Variants in AGAP1 observed in about 807,000 individuals in gnomAD.
AGAP1 encodes ArfGAP with GTPase domain, ankyrin repeat and PH domain 1.
A neutral mutation model predicts 105.3 loss-of-function variants in AGAP1; 29 were observed. That is an observed-to-expected ratio of 0.28 (90% CI 0.21 to 0.38). AGAP1 has a LOEUF of 0.38. Ranked by LOEUF, AGAP1 falls within the 10% of genes least tolerant of loss-of-function variation. AGAP1 has a pLI of 1.00. For missense variants in AGAP1, 998 were observed against 1,165.1 expected (o/e 0.86, Z 2.09); for synonymous variants, 509 against 485.9 (o/e 1.05, Z -0.63).
intron 10 of AGAP1, among the ~76,000 whole-genome samples, chr2:235,892,982 G>T (rs544983505): frequency 1.3e-5 from 2 of 152,220 alleles, no homozygotes; most frequent in Non-Finnish European, 2.9e-5. Flanking sequence ...CTGGCACGCT[G>T]CTGCAGAAGG....
At chr2:235,817,604 T>C (rs1262744692) in intron 9 of AGAP1, among the ~76,000 whole-genome samples, 1 of 151,992 alleles carries the variant, frequency 6.6e-6, no homozygotes, top group African/African-American at 2.4e-5. Flanking sequence ...AGTTTGTTAG[T>C]TTTAGGTTGG....
rs928149334 is a variant in AGAP1, at chr2:235,589,194, G to GTTTTTTTTTTT, written c.163+94363_163+94373dup. ...CTACCAGTTAATAGCTTATTGTTTT[G>GTTTTTTTTTTT]TTTTTTTTTTTTTTTTTTTTTTTTT... On this transcript the variant is annotated intron_variant, in intron 1 of 17. Transcript: ENST00000304032. Among the ~76,000 whole-genome samples the GTTTTTTTTTTT allele has an allele frequency of 1.7e-4, 10 of 59,610 alleles. 2 individuals are homozygous for GTTTTTTTTTTT. Among genetic ancestry groups the GTTTTTTTTTTT allele is most frequent in the African/African-American group, 3.2e-4 (4 of 12,568 alleles). The allele number at this position is 59,610 out of a possible 152,430, so 39.1% of individuals were successfully genotyped here. A position where few individuals can be genotyped will look rare whatever the true frequency, so the allele number is the denominator to read the frequency against.
In AGAP1 at chr2:235,866,813, C is replaced by T. The variant is rs1244343738; in HGVS notation, c.1051-16532C>T. On this transcript the variant is annotated intron_variant, in intron 9 of 17. Transcript: ENST00000304032. The surrounding 1 kb of genome is among the most constrained non-coding windows in gnomAD (Gnocchi z 6.1). ...CCTGTGTCTTCACGTGGTCTTTCTC[C>T]GTGAGTGTCTGTGTCCTGATCTTTT... is the stretch of plus-strand genomic sequence containing the variant. Among the ~76,000 whole-genome samples, 2 of 152,286 alleles carry T rather than the reference C, an allele frequency of 1.3e-5. No homozygotes were observed. The highest frequency in any genetic ancestry group is 6.5e-5 in the Admixed American group (1 of 15,298).
At position 236,090,431 on chromosome 2, in the gene AGAP1, G is replaced by C. The variant is rs1305057592; in HGVS notation, c.2115-29761G>C. Among the ~76,000 whole-genome samples, 1 of 152,178 alleles carries C rather than the reference G, an allele frequency of 6.6e-6. No individual in the cohort carries two copies. The highest frequency in any genetic ancestry group is 1.5e-5 in the Non-Finnish European group (1 of 68,022). ...AATATTCACATGTTTCTTCTAATTG[G>C]TAACAGATTAGAGGCATTTTATCTT... On this transcript the variant is annotated intron_variant, in intron 16 of 17. Coordinates refer to ENST00000304032, the MANE Select transcript of AGAP1 (RefSeq NM_001037131.3). The surrounding 1 kb of genome is among the most constrained non-coding windows in gnomAD (Gnocchi z 4.3).
At chr2:235,938,918 G>A (rs552848425) in intron 12 of AGAP1, among the ~76,000 whole-genome samples, 1 of 152,222 alleles carries the variant, frequency 6.6e-6, no homozygotes, top group East Asian at 1.9e-4. Context: ...TTGTTCCTGG[G>A]GCCAGCCGCT....
chr2:236,088,921 A>G (rs984241965), intron 16 of AGAP1, among the ~76,000 whole-genome samples: 1 of 152,238 alleles, frequency 6.6e-6, no homozygotes, highest in Non-Finnish European at 1.5e-5. Context: ...GCATTCGATC[A>G]TGATGGTGAT....
chr2:236,060,095 C>A (rs1029891712), intron 16 of AGAP1, among the ~76,000 whole-genome samples: 1 of 150,982 alleles, frequency 6.6e-6, no homozygotes, highest in Non-Finnish European at 1.5e-5. Flanking sequence ...CGTCTCAAAA[C>A]ACACACACAC....
At chr2:235,760,634 G>GT (rs2149780523) in intron 6 of AGAP1, among the ~76,000 whole-genome samples, 1 of 152,290 alleles carries the variant, frequency 6.6e-6, no homozygotes, top group African/African-American at 2.4e-5. Context: ...CACACAGGCT[G>GT]GAGTACAGTG....
In AGAP1 at chr2:235,875,617, G is replaced by C. The variant is rs1456263648; in HGVS notation, c.1051-7728G>C. 6.6e-6 allele frequency among the ~76,000 whole-genome samples: 1 copy of C among 152,196 alleles called. No homozygotes were observed. The highest frequency in any genetic ancestry group is 1.5e-5 in the Non-Finnish European group (1 of 68,040). ...GCCTGCAGCCCGGGCCTGTGGTGGA[G>C]TAGAGCTTCTCTCCCCAGCTTTCCC... is the stretch of plus-strand genomic sequence containing the variant. On this transcript the variant is annotated intron_variant, in intron 9 of 17. Transcript: ENST00000304032. The surrounding 1 kb of genome is among the most constrained non-coding windows in gnomAD (Gnocchi z 4.0).
intron 6 of AGAP1, among the ~76,000 whole-genome samples, chr2:235,778,001 C>T (rs535934997): frequency 3.3e-4 from 51 of 152,256 alleles, no homozygotes; most frequent in African/African-American, 1.1e-3. Flanking sequence ...CAGACCTGGG[C>T]GATCTCATAT....
chr2:235,817,257 T>C (rs1178491603), intron 9 of AGAP1, among the ~76,000 whole-genome samples: 1 of 151,998 alleles, frequency 6.6e-6, no homozygotes, highest in Admixed American at 6.5e-5. Flanking sequence ...ACTGTCGCTG[T>C]GGTTCTCCCT....
intron 16 of AGAP1, among the ~76,000 whole-genome samples, chr2:236,059,338 G>A (rs114366423): frequency 1.3e-5 from 2 of 152,092 alleles, no homozygotes; most frequent in Non-Finnish European, 2.9e-5. Context: ...GAAGACCTAA[G>A]TAAATGAAAA....
At chr2:235,643,406 G>A (rs1344764092) in intron 1 of AGAP1, among the ~76,000 whole-genome samples, 1 of 128,592 alleles carries the variant, frequency 7.8e-6, no homozygotes, top group Non-Finnish European at 1.5e-5. Flanking sequence ...ACTCCAGCCT[G>A]GGCAACAAGA....
At chr2:235,797,720 T>C (rs751319664) in intron 6 of AGAP1, 39 bp from the exon 7 acceptor site, 1 of 1,613,450 alleles carries the variant, frequency 6.2e-7, no homozygotes, top group Non-Finnish European at 8.5e-7. Flanking sequence ...ATTTGGAAAT[T>C]GATTGACATG....
At position 235,930,062 on chromosome 2, in the gene AGAP1, T is replaced by C. The variant is rs2052648195; in HGVS notation, c.1325-703T>C. Among the ~76,000 whole-genome samples, 1 of 152,242 alleles carries C rather than the reference T, an allele frequency of 6.6e-6. No homozygotes were observed. On this transcript the variant is annotated intron_variant, in intron 11 of 17. Transcript: ENST00000304032. The surrounding 1 kb of genome is among the most constrained non-coding windows in gnomAD (Gnocchi z 7.9). ...AGGCACTTAATTATGTTTTTGAGTC[T>C]AAAATTGGTATGACCAGATAATAAT... is the stretch of plus-strand genomic sequence containing the variant.
At chr2:235,782,708 A>G (rs942817234) in intron 6 of AGAP1, among the ~76,000 whole-genome samples, 2 of 152,240 alleles carry the variant, frequency 1.3e-5, no homozygotes, top group Non-Finnish European at 2.9e-5. Flanking sequence ...GCTGAAGCCC[A>G]GAAGGAAAGT....
At chr2:236,022,937 T>C (rs534218034) in intron 13 of AGAP1, among the ~76,000 whole-genome samples, 2 of 152,356 alleles carry the variant, frequency 1.3e-5, no homozygotes, top group East Asian at 3.9e-4. Flanking sequence ...GACATCTTAG[T>C]GTGTGAGCTT....
chr2:235,808,566 A>G (rs1353290357), intron 9 of AGAP1, among the ~76,000 whole-genome samples: 1 of 152,202 alleles, frequency 6.6e-6, no homozygotes, highest in African/African-American at 2.4e-5. Flanking sequence ...CAAGGAGCCC[A>G]GGAACTACTG....
Position 235,611,988 on chromosome 2 carries a change from G to C in AGAP1, c.164-97191G>C, listed in dbSNP as rs1465763225. 1.3e-5 allele frequency among the ~76,000 whole-genome samples: 2 copies of C among 152,196 alleles called. No homozygotes were observed. The highest frequency in any genetic ancestry group is 2.4e-5 in the African/African-American group (1 of 41,454). On this transcript the variant is annotated intron_variant, in intron 1 of 17. Transcript: ENST00000304032. This position sits in a 1 kb window ranked among gnomAD's most constrained non-coding sequence, Gnocchi z 5.0. ...ACAAACCCGGCCCAGCGGCCTCCCT[G>C]CTAGGCAGTCCTCCATCAATACTGA... is the stretch of plus-strand genomic sequence containing the variant.
Sources: allele counts gnomAD v4.1 joint callset (sites outside exome capture counted in the v4.1 genomes callset), GRCh38; gene constraint gnomAD v4.1.1; non-coding constraint Gnocchi (gnomAD v3.1); transcripts MANE v1.5; gene names NCBI Gene and HGNC (gene_info 2026-07-23, HGNC 2026-07-21).